Variants in PRMT9 observed in about 807,000 individuals in gnomAD.
PRMT9 encodes protein arginine methyltransferase 9, also known as protein arginine N-methyltransferase 9.
In PRMT9, 59 loss-of-function variants were observed where a neutral mutation model predicts 83.2. The ratio of observed to expected loss-of-function variants is 0.71; its 90% CI spans 0.57 to 0.88. PRMT9 has a LOEUF of 0.88. Ranked by LOEUF, PRMT9 falls within the 40% of genes least tolerant of loss-of-function variation. PRMT9 has a pLI of 0.00. For missense variants in PRMT9, 947 were observed against 1,021.9 expected, an observed-to-expected ratio of 0.93 and a Z score of 1.00; for synonymous variants, 333 against 353.2, an observed-to-expected ratio of 0.94 and a Z score of 0.64.
chr4:147,672,362 G>T (rs1206537639), intron 4 of PRMT9, among the ~76,000 whole-genome samples: 1 of 152,192 alleles, frequency 6.6e-6, no homozygotes, highest in African/African-American at 2.4e-5. Flanking sequence ...GCTACATAAA[G>T]AAAACTTTGT....
In PRMT9 at chr4:147,642,799, A is replaced by T; in HGVS notation, c.2187T>A (p.Ile729=). 1.2e-6 allele frequency: 2 copies of T among 1,613,722 alleles called. No homozygotes were observed. Among genetic ancestry groups the T allele is most frequent in the Non-Finnish European group, 1.7e-6 (2 of 1,179,628 alleles). Residue 729 remains isoleucine (I), a synonymous_variant, in exon 10 of 12, where the codon ATT becomes ATA. Coordinates refer to ENST00000322396, the MANE Select transcript of PRMT9 (RefSeq NM_138364.4). ...RTLGLNIAPF[I]NQFQVPIRVF... ...TCTAGACACTTACCTGAAACTGGTTAATAAAAGGTGCTATATTTAATCCAA... is the reference window on the plus strand; with the variant it reads ...TCTAGACACTTACCTGAAACTGGTTTATAAAAGGTGCTATATTTAATCCAA...
Position 147,650,744 on chromosome 4 carries a change from A to C in PRMT9, c.2045+3108T>G, listed in dbSNP as rs546896342. Reference sequence around the variant, plus strand: ...CCTGACCTTAAACAAACTACAAAGCAACAGCAATCAAGACTGTGGTATGGT... The same window carrying C: ...CCTGACCTTAAACAAACTACAAAGCCACAGCAATCAAGACTGTGGTATGGT... On this transcript the variant is annotated intron_variant, in intron 9 of 11. Transcript: ENST00000322396. 2.0e-5 allele frequency among the ~76,000 whole-genome samples: 3 copies of C among 152,350 alleles called. No homozygotes were observed. The East Asian group carries it at 5.8e-4, about 29-fold the overall frequency.
chr4:147,640,818 C>T (rs28671532), intron 10 of PRMT9, among the ~76,000 whole-genome samples: 8,966 of 152,192 alleles, frequency 0.059, 870 homozygotes, highest in African/African-American at 0.2. Context: ...GCCTCTTGAG[C>T]TCAAGCCGTC....
intron 8 of PRMT9, among the ~76,000 whole-genome samples, chr4:147,655,153 T>C (rs1734399428): frequency 6.6e-6 from 1 of 152,188 alleles, no homozygotes; most frequent in Admixed American, 6.5e-5. Context: ...CCTTCATATA[T>C]GGGAAAACTT....
intron 6 of PRMT9, among the ~76,000 whole-genome samples, chr4:147,665,191 C>T (rs1301333236): frequency 6.7e-6 from 1 of 149,892 alleles, no homozygotes; most frequent in African/African-American, 2.4e-5. Context: ...TTCCTTTTGT[C>T]GTAATTTGAA....
chr4:147,680,324 T>G lies in PRMT9; in HGVS notation c.337A>C (p.Arg113=). 3.1e-6 allele frequency: 5 copies of G among 1,613,968 alleles called. No homozygotes were observed. Among genetic ancestry groups the G allele is most frequent in the Non-Finnish European group, 4.2e-6 (5 of 1,179,844 alleles). ...AGTAATACTAAAATCACTACAAACC[T>G]GAAGAGATGCTCCCCCATACTATTG... The part of the protein sequence containing the change: ...ICNSMGEHLF[R]MGFRDEAAGY... Residue 113 remains arginine, a splice_region_variant and synonymous_variant, in exon 2 of 12, where the codon AGA becomes CGA. Coordinates refer to ENST00000322396, the MANE Select transcript of PRMT9 (RefSeq NM_138364.4).
At position 147,683,996 on chromosome 4, in the gene PRMT9, C is replaced by A. The variant is rs758568792; in HGVS notation, c.-9G>T. The A allele has an allele frequency of 9.3e-6, 15 of 1,612,422 alleles. No homozygotes were observed. The highest frequency in any genetic ancestry group is 1.3e-5 in the Non-Finnish European group (15 of 1,179,500). ...GGCCGCGAGTTCGACATGGCAGTCA[C>A]CACTTGTATGGCCAAAGGGAAGATA... On this transcript the variant is annotated 5_prime_UTR_variant, in exon 1 of 12. Coordinates refer to ENST00000322396, the MANE Select transcript of PRMT9 (RefSeq NM_138364.4).
At chr4:147,675,686 A>G (rs1439454417) in intron 2 of PRMT9, among the ~76,000 whole-genome samples, 1 of 152,198 alleles carries the variant, frequency 6.6e-6, no homozygotes, top group Non-Finnish European at 1.5e-5. Flanking sequence ...TACTCCATTA[A>G]AGCATATCTC....
At chr4:147,669,560 A>G (rs566016583) in intron 5 of PRMT9, among the ~76,000 whole-genome samples, 1 of 152,140 alleles carries the variant, frequency 6.6e-6, no homozygotes, top group East Asian at 1.9e-4. Flanking sequence ...ACCTACTTAA[A>G]AAATAAATTG....
intron 6 of PRMT9, among the ~76,000 whole-genome samples, chr4:147,665,869 T>C (rs1735295558): frequency 6.6e-6 from 1 of 152,218 alleles, no homozygotes; most frequent in Non-Finnish European, 1.5e-5. Flanking sequence ...TTCAGATAAT[T>C]TGTTTGCTTT....
intron 6 of PRMT9, among the ~76,000 whole-genome samples, chr4:147,661,777 G>A (rs972688063): frequency 7.5e-4 from 82 of 108,734 alleles, no homozygotes; most frequent in African/African-American, 2.8e-3. Context: ...GCAACAGAGC[G>A]AGACTCCATC....
intron 1 of PRMT9, among the ~76,000 whole-genome samples, chr4:147,683,163 G>A (rs1736605054): frequency 6.6e-6 from 1 of 152,090 alleles, no homozygotes; most frequent in Non-Finnish European, 1.5e-5. Context: ...TATTCAACTA[G>A]AGGCCCACTA....
At position 147,673,778 on chromosome 4, in the gene PRMT9, T is replaced by G. The variant is rs1224183293; in HGVS notation, c.435A>C (p.Ala145=). The G allele has an allele frequency of 6.2e-7, 1 of 1,614,144 alleles. No homozygotes were observed. Among genetic ancestry groups the G allele is most frequent in the South Asian group, 1.1e-5 (1 of 91,084 alleles). ...AGTGCCAGCGTTCCACCAACCAGTT[T>G]GCAACACGATAAAAATTCTCCTTTG... is the stretch of plus-strand genomic sequence containing the variant. ...SDAKENFYRV[A]NWLVERWHFI... Residue 145 remains alanine (A), a synonymous_variant, in exon 3 of 12, where the codon GCA becomes GCC. Coordinates refer to ENST00000322396, the MANE Select transcript of PRMT9 (RefSeq NM_138364.4).
intron 7 of PRMT9, among the ~76,000 whole-genome samples, chr4:147,658,303 G>C (rs182908799): frequency 7.9e-5 from 12 of 152,010 alleles, no homozygotes; most frequent in African/African-American, 2.9e-4. Context: ...GGGGATGGAG[G>C]GGGGTAGAGA....
At chr4:147,645,126 T>C (rs182483218) in intron 9 of PRMT9, among the ~76,000 whole-genome samples, 1 of 152,194 alleles carries the variant, frequency 6.6e-6, no homozygotes, top group Non-Finnish European at 1.5e-5. Context: ...AAGTAATTCA[T>C]ATACATTTCC....
In PRMT9 at chr4:147,680,466, A is replaced by T. The variant is rs1736391023; in HGVS notation, c.195T>A (p.Thr65=). 1 of 1,612,622 alleles carries T rather than the reference A, an allele frequency of 6.2e-7. No individual in the cohort carries two copies. The highest frequency in any genetic ancestry group is 1.7e-5 in the Admixed American group (1 of 59,932). Residue 65 remains threonine (T), a synonymous_variant, in exon 2 of 12, where the codon ACT becomes ACA. Coordinates refer to ENST00000322396, the MANE Select transcript of PRMT9 (RefSeq NM_138364.4). The part of the protein sequence containing the change: ...APELKHDVKE[T]FQYTLFRWAE... The stretch of plus-strand genomic sequence containing the variant: ...CCCATCTGAAAAGTGTGTACTGAAA[A>T]GTTTCCTTTACAAATAAGAAAAAAA...
At chr4:147,680,549 C>A in intron 1 of PRMT9, 78 bp from the exon 2 acceptor site, 1 of 1,123,300 alleles carries the variant, frequency 8.9e-7, no homozygotes, top group South Asian at 1.3e-5. Context: ...GTTGAAGATT[C>A]CAAGCAATCG....
intron 6 of PRMT9, among the ~76,000 whole-genome samples, chr4:147,665,597 C>T (rs1735273515): frequency 6.6e-6 from 1 of 152,154 alleles, no homozygotes; most frequent in Non-Finnish European, 1.5e-5. Context: ...CATATTGAAT[C>T]TATTCCACCC....
chr4:147,643,262 G>C (rs1365625437), intron 9 of PRMT9, among the ~76,000 whole-genome samples: 1 of 151,946 alleles, frequency 6.6e-6, no homozygotes, highest in Non-Finnish European at 1.5e-5. Context: ...GTGAGACTCT[G>C]TCTCAAAAAA....
Sources: gnomAD v4.1 joint callset for allele counts (sites outside exome capture counted in the v4.1 genomes callset) on GRCh38, gnomAD v4.1.1 for gene constraint, MANE v1.5 for transcripts, NCBI Gene and HGNC (gene_info 2026-07-23, HGNC 2026-07-21) for gene names.